AXIN1: variants seen among roughly 807,000 people sequenced by gnomAD.
AXIN1 encodes axin-1.
Under a neutral mutation model 76.4 loss-of-function variants are expected in AXIN1, and 30 were observed. The observed-to-expected ratio is 0.39, with a 90% CI of 0.29 to 0.53. The LOEUF (loss-of-function observed/expected upper bound fraction) is 0.53, where lower values mean the gene tolerates loss of function less well. Among genes scored for constraint, AXIN1 ranks in the 20% least tolerant of loss-of-function variants. The probability of loss-of-function intolerance (pLI) is 0.66; values close to 1 mark genes in which losing one functional copy is unlikely to be tolerated. For synonymous variants in AXIN1, 545 were observed against 501.4 expected, an observed-to-expected ratio of 1.09 and a Z score of -1.16; for missense variants, 1,140 against 1,198.8, an observed-to-expected ratio of 0.95 and a Z score of 0.72.
chr16:299,516 C>T (rs1019604459), intron 5 of AXIN1, among the ~76,000 whole-genome samples: 1 of 151,646 alleles, frequency 6.6e-6, no homozygotes, highest in African/African-American at 2.4e-5. Flanking sequence ...CCATGCCTGC[C>T]TAATTTTTTT....
chr16:302,663 C>T (rs1455171712), intron 5 of AXIN1, among the ~76,000 whole-genome samples: 3 of 152,230 alleles, frequency 2.0e-5, no homozygotes, highest in South Asian at 2.1e-4. Flanking sequence ...ACCCGGGTAG[C>T]GGGTGAAAGA....
rs536671671 is a variant in AXIN1, at chr16:314,422, C to T, written c.1019+121G>A. 7.0e-5 allele frequency: 105 copies of T among 1,491,316 alleles called. 2 individuals carry two copies. The South Asian group carries it at 9.6e-4, about 14-fold the overall frequency. The allele number at this position is 1,491,316 out of a possible 1,614,324, so 92.4% of individuals were successfully genotyped here. On this transcript the variant is annotated intron_variant, in intron 3 of 10. Transcript: ENST00000262320. ...AGGGTGGGACTTACACGCTGCCATC[C>T]GCAAGAAACAGGGTGTCTGGGGCAG...
chr16:311,718 G>C (rs549697315), intron 3 of AXIN1, among the ~76,000 whole-genome samples: 57 of 152,192 alleles, frequency 3.7e-4, no homozygotes, highest in African/African-American at 1.3e-3. Flanking sequence ...TTGCAGTGAG[G>C]CGAGATTGTG....
In AXIN1 at chr16:289,566, G is replaced by A. The variant is rs1288498476; in HGVS notation, c.2336C>T (p.Pro779Leu). 3.7e-6 allele frequency: 6 copies of A among 1,612,846 alleles called. No homozygotes were observed. The highest frequency in any genetic ancestry group is 2.7e-5 in the African/African-American group (2 of 74,942). The change falls in exon 10 of 11, where the codon CCG (proline) becomes CTG (leucine). Residue 779 changes from proline to leucine, a missense_variant. By Grantham distance (98) the Pro-to-Leu change is moderately conservative (BLOSUM62 -3). Transcript: ENST00000262320. ...QRKVGGGSAQ[P>L]CDSIVVAYYF... is the part of the protein sequence containing the mutation. ...GTACGCCACAACGATGCTGTCACAC[G>A]GCTGGGCACTCCCGCCGCCCACCTT...
At chr16:314,000 C>A (rs748335438) in intron 3 of AXIN1, among the ~76,000 whole-genome samples, 2 of 152,352 alleles carry the variant, frequency 1.3e-5, no homozygotes, top group Middle Eastern at 3.4e-3. Context: ...CTGTACTGCA[C>A]CAGCGTCGGC....
At chr16:298,287 A>G in intron 5 of AXIN1, 36 bp from the exon 6 acceptor site, 1 of 1,536,764 alleles carries the variant, frequency 6.5e-7, no homozygotes, top group South Asian at 1.2e-5. Flanking sequence ...ACCTCTCAGC[A>G]CCAGCTGCAC....
intron 2 of AXIN1, among the ~76,000 whole-genome samples, chr16:316,601 C>T (rs754454981): frequency 4.6e-5 from 7 of 152,152 alleles, no homozygotes; most frequent in Non-Finnish European, 1.0e-4. Context: ...GCGCACAGAG[C>T]GGTAAGACTG....
intron 2 of AXIN1, among the ~76,000 whole-genome samples, chr16:328,125 C>G (rs1428533705): frequency 6.6e-6 from 1 of 152,204 alleles, no homozygotes; most frequent in Admixed American, 6.5e-5. Context: ...GGCGGGGTAG[C>G]TCACACCTGT....
intron 2 of AXIN1, among the ~76,000 whole-genome samples, chr16:343,937 T>G (rs1363990201): frequency 6.7e-6 from 1 of 150,296 alleles, no homozygotes; most frequent in East Asian, 2.0e-4. Flanking sequence ...GAGGCAGAAG[T>G]TGCAGTGAGC....
intron 2 of AXIN1, among the ~76,000 whole-genome samples, chr16:328,707 A>T (rs997471982): frequency 6.6e-6 from 1 of 152,124 alleles, no homozygotes; most frequent in African/African-American, 2.4e-5. Flanking sequence ...AAAAAAAATA[A>T]TAATAAATTA....
intron 2 of AXIN1, among the ~76,000 whole-genome samples, chr16:343,403 TA>T (rs1225280310): frequency 6.6e-6 from 1 of 152,006 alleles, no homozygotes; most frequent in Non-Finnish European, 1.5e-5. Flanking sequence ...AGTCCCATCT[TA>T]AAAATAACCA....
chr16:326,370 A>ATATATAT (rs1415761664), intron 2 of AXIN1, among the ~76,000 whole-genome samples: 32 of 92,982 alleles, frequency 3.4e-4, no homozygotes, highest in East Asian at 8.3e-4. Context: ...AAAAAAAAAA[A>ATATATAT]AAATATATAT....
chr16:305,414 T>G (rs1381688039), intron 4 of AXIN1, among the ~76,000 whole-genome samples: 1 of 152,172 alleles, frequency 6.6e-6, no homozygotes, highest in Non-Finnish European at 1.5e-5. Context: ...AGATCAAGGC[T>G]GCAGTGAGCC....
intron 2 of AXIN1, among the ~76,000 whole-genome samples, chr16:325,158 C>T (rs920377958): frequency 6.6e-6 from 1 of 152,210 alleles, no homozygotes; most frequent in African/African-American, 2.4e-5. Context: ...CGGGCGGCCC[C>T]GCACCCCAGG....
In AXIN1 at chr16:310,587, C is replaced by T. The variant is rs562345127; in HGVS notation, c.1020-518G>A. Among the ~76,000 whole-genome samples, 34 of 152,292 alleles carry T rather than the reference C, an allele frequency of 2.2e-4. 1 individual carries two copies. In the South Asian group the frequency reaches 7.0e-3, roughly 32 times the overall value. On this transcript the variant is annotated intron_variant, in intron 3 of 10. Coordinates refer to ENST00000262320, the MANE Select transcript of AXIN1 (RefSeq NM_003502.4). The stretch of plus-strand genomic sequence containing the variant: ...AATTTTTTTGTATTTTTAGTAGACA[C>T]GGGGTTTCACTGTGTTAGCCAGGAG...
At chr16:297,375 T>A in intron 6 of AXIN1, 149 bp from the exon 7 acceptor site, 1 of 1,049,710 alleles carries the variant, frequency 9.5e-7, no homozygotes. Flanking sequence ...CCCCACCCGC[T>A]GTCCCCCGCC....
intron 7 of AXIN1, among the ~76,000 whole-genome samples, chr16:294,096 G>A (rs1235116935): frequency 3.3e-5 from 5 of 152,158 alleles, no homozygotes; most frequent in African/African-American, 1.2e-4. Flanking sequence ...GGGAAGTGGA[G>A]GTTACAGTGA....
At chr16:302,889 T>A (rs925089850) in intron 5 of AXIN1, among the ~76,000 whole-genome samples, 8 of 151,160 alleles carry the variant, frequency 5.3e-5, no homozygotes, top group African/African-American at 1.9e-4. Flanking sequence ...AGCAAAGGCA[T>A]TTTTTTTTGG....
intron 2 of AXIN1, among the ~76,000 whole-genome samples, chr16:332,365 CAGG>C (rs2053708840): frequency 6.6e-6 from 1 of 152,072 alleles, no homozygotes; most frequent in Non-Finnish European, 1.5e-5. Flanking sequence ...ATCACGAGAT[CAGG>C]AGATGGAGAC....
Sources: allele counts gnomAD v4.1 joint callset (sites outside exome capture counted in the v4.1 genomes callset), GRCh38; gene constraint gnomAD v4.1.1; transcripts MANE v1.5; gene names NCBI Gene and HGNC (gene_info 2026-07-23, HGNC 2026-07-21).